NUP93: variants seen among roughly 807,000 people sequenced by gnomAD.
NUP93 encodes the protein nucleoporin 93, also known as nuclear pore complex protein Nup93.
Under a neutral mutation model 107.8 loss-of-function variants are expected in NUP93, and 55 were observed. The observed-to-expected ratio is 0.51, with a 90% confidence interval of 0.41 to 0.64. The LOEUF is 0.64. Among genes scored for constraint, NUP93 ranks in the 30% least tolerant of loss-of-function variants. The pLI is 0.00. For synonymous variants in NUP93, 390 were observed against 397.5 expected (o/e 0.98, Z 0.22); for missense variants, 937 against 1,044.7 (o/e 0.90, Z 1.42).
chr16:56,832,106 T>C, intron 11 of NUP93, 99 bp downstream of exon 11: 1 of 1,445,822 alleles, frequency 6.9e-7, no homozygotes, highest in East Asian at 2.3e-5. Flanking sequence ...GCCAATACAG[T>C]GATCAGGACC....
intron 21 of NUP93, among the ~76,000 whole-genome samples, chr16:56,842,248 T>C (rs1379803996): frequency 6.6e-6 from 1 of 152,216 alleles, no homozygotes; most frequent in Admixed American, 6.5e-5. Flanking sequence ...GTGTTCACAG[T>C]GACCCTAGAG....
chr16:56,751,450 A>G (rs1362685364), intron 2 of NUP93, among the ~76,000 whole-genome samples: 1 of 152,202 alleles, frequency 6.6e-6, no homozygotes, highest in African/African-American at 2.4e-5. Context: ...TGAAAGTGTT[A>G]TCTGTGTTTT....
intron 3 of NUP93, among the ~76,000 whole-genome samples, chr16:56,798,274 T>C (rs1410017149): frequency 6.6e-6 from 1 of 152,242 alleles, no homozygotes; most frequent in African/African-American, 2.4e-5. Context: ...CTTTACTTTC[T>C]AACAATCATC....
intron 10 of NUP93, 115 bp from the exon 11 acceptor site, chr16:56,831,727 C>T: frequency 2.8e-6 from 3 of 1,059,906 alleles, no homozygotes; most frequent in Non-Finnish European, 4.1e-6. Flanking sequence ...GTCTCTTACC[C>T]CGGATGAAGG....
At chr16:56,832,188 A>C in intron 11 of NUP93, 107 bp from the exon 12 acceptor site, 1 of 1,250,228 alleles carries the variant, frequency 8.0e-7, no homozygotes, top group Non-Finnish European at 1.2e-6. Context: ...CCTTAAACAC[A>C]GCTTCTAGCT....
rs770548557 is a variant in NUP93 at position 56,834,408 on chromosome 16, G to T, written c.1703G>T (p.Arg568Leu). 6.2e-7 allele frequency: 1 copy of T among 1,614,186 alleles called. No homozygotes were observed. Among genetic ancestry groups the T allele is most frequent in the Non-Finnish European group, 8.5e-7 (1 of 1,180,028 alleles). The change falls in exon 15 of 22, where the codon CGC becomes CTC. Residue 568 changes from arginine to leucine, a missense_variant. Physicochemically the swap from Arg to Leu is moderately radical, Grantham distance 102. Transcript: ENST00000308159. The stretch of plus-strand genomic sequence containing the variant: ...AGTCAAGGAGAAAACATGTTTCTGC[G>T]CTGTGTGAGTGAGCTTGTGATTGAA... ...KDSQGENMFL[R>L]CVSELVIESR...
chr16:56,767,900 A>G (rs1465750863), intron 3 of NUP93, among the ~76,000 whole-genome samples: 1 of 152,236 alleles, frequency 6.6e-6, no homozygotes, highest in African/African-American at 2.4e-5. Flanking sequence ...TTCATTCAAA[A>G]GGTGCTTTTA....
intron 5 of NUP93, among the ~76,000 whole-genome samples, chr16:56,808,115 A>G (rs1021259432): frequency 8.1e-6 from 1 of 123,856 alleles, no homozygotes; most frequent in African/African-American, 3.0e-5. Context: ...ATAAATATAT[A>G]TTATATAACT....
At chr16:56,769,003 C>A (rs993562835) in intron 3 of NUP93, among the ~76,000 whole-genome samples, 1 of 152,156 alleles carries the variant, frequency 6.6e-6, no homozygotes, top group Non-Finnish European at 1.5e-5. Context: ...TCCCAGCAAC[C>A]CTCTGAGGTG....
chr16:56,747,085 G>GC (rs1203920076), intron 1 of NUP93, among the ~76,000 whole-genome samples: 1 of 149,758 alleles, frequency 6.7e-6, no homozygotes, highest in African/African-American at 2.5e-5. Context: ...GCACTCTTCC[G>GC]CCCCCCAGGT....
At position 56,781,976 on chromosome 16, in the gene NUP93, T is replaced by C. The variant is rs560082323; in HGVS notation, c.298-16500T>C. On this transcript the variant is annotated intron_variant, in intron 3 of 21. Coordinates refer to ENST00000308159, the MANE Select transcript of NUP93 (RefSeq NM_014669.5). ...AATCTCATTGTTTAATTTGACTCTT[T>C]AGTGCTTCAGTCACATCAGCACTTG... 31 of 985,314 alleles carry C rather than the reference T, an allele frequency of 3.1e-5. No homozygotes were observed. The South Asian group carries it at 4.2e-4, about 13-fold the overall frequency. The allele number at this position is 985,314 out of a possible 1,614,324, so 61.0% of individuals were successfully genotyped here. A position where few individuals can be genotyped will look rare whatever the true frequency, so the allele number is the denominator to read the frequency against.
intron 5 of NUP93, among the ~76,000 whole-genome samples, chr16:56,812,892 C>G (rs16962399): frequency 2.0e-5 from 3 of 152,102 alleles, no homozygotes; most frequent in Non-Finnish European, 2.9e-5. Flanking sequence ...GGAAGAACTT[C>G]CCTATTGAGG....
intron 3 of NUP93, among the ~76,000 whole-genome samples, chr16:56,796,563 CTAAT>C (rs1387570833): frequency 6.6e-6 from 1 of 152,220 alleles, no homozygotes; most frequent in East Asian, 1.9e-4. Context: ...TGATCAAAAA[CTAAT>C]TAACCATGAC....
intron 3 of NUP93, among the ~76,000 whole-genome samples, chr16:56,789,993 AG>A (rs775111699): frequency 1.8e-4 from 28 of 152,284 alleles, no homozygotes; most frequent in Non-Finnish European, 3.5e-4. Flanking sequence ...GCTACTCAGG[AG>A]GCTGAGGCAG....
intron 3 of NUP93, among the ~76,000 whole-genome samples, chr16:56,783,154 G>T (rs558999682): frequency 5.9e-5 from 9 of 152,288 alleles, no homozygotes; most frequent in Admixed American, 5.9e-4. Context: ...AAAATATGAT[G>T]ATGCATATGG....
At chr16:56,812,183 T>G (rs1963329854) in intron 5 of NUP93, among the ~76,000 whole-genome samples, 2 of 152,194 alleles carry the variant, frequency 1.3e-5, no homozygotes, top group Non-Finnish European at 2.9e-5. Flanking sequence ...TAATTTAATA[T>G]AAAGAGAGGC....
rs529448570 is a variant in NUP93 at position 56,799,412 on chromosome 16, G to A, written c.360+874G>A. Among the ~76,000 whole-genome samples the A allele has an allele frequency of 1.4e-3, 208 of 152,322 alleles. 2 individuals carry two copies. The highest frequency in any genetic ancestry group is 4.7e-3 in the African/African-American group (195 of 41,566). ...TCAAAGATTGTTTACTAACATGTGA[G>A]TTATCTCCATTTATTTCTGACAAGG... On this transcript the variant is annotated intron_variant, in intron 4 of 21. Coordinates refer to ENST00000308159, the MANE Select transcript of NUP93 (RefSeq NM_014669.5).
intron 15 of NUP93, 46 bp downstream of exon 15, chr16:56,834,488 A>G (rs1441999076): frequency 2.5e-6 from 4 of 1,584,734 alleles, no homozygotes; most frequent in African/African-American, 1.3e-5. Flanking sequence ...TTCAGTGTGC[A>G]TGTCCCATGC....
intron 2 of NUP93, among the ~76,000 whole-genome samples, chr16:56,756,742 A>C (rs1196832614): frequency 6.6e-6 from 1 of 152,176 alleles, no homozygotes; most frequent in Non-Finnish European, 1.5e-5. Flanking sequence ...TGGTTGAATT[A>C]ATTTACACTC....
Sources: gnomAD v4.1 joint callset for allele counts (sites outside exome capture counted in the v4.1 genomes callset) on GRCh38, gnomAD v4.1.1 for gene constraint, MANE v1.5 for transcripts, NCBI Gene and HGNC (gene_info 2026-07-23, HGNC 2026-07-21) for gene names.